IRF2: variants seen among roughly 807,000 people sequenced by gnomAD.
The protein encoded by IRF2 is interferon regulatory factor 2.
IRF2 carries 15 observed loss-of-function variants against 40.6 expected under a neutral mutation model. The ratio of observed to expected loss-of-function variants is 0.37; its 90% CI spans 0.25 to 0.57. The LOEUF is 0.57. Ranked by LOEUF, IRF2 falls within the 20% of genes least tolerant of loss-of-function variation. The probability of loss-of-function intolerance (pLI) is 0.77; values close to 1 mark genes in which losing one functional copy is unlikely to be tolerated. For synonymous variants in IRF2, 151 were observed against 165.5 expected (o/e 0.91, Z 0.67); for missense variants, 317 against 455.7 (o/e 0.70, Z 2.77).
intron 1 of IRF2, among the ~76,000 whole-genome samples, chr4:184,444,033 T>C (rs1478920340): frequency 1.3e-5 from 2 of 152,176 alleles, no homozygotes; most frequent in African/African-American, 4.8e-5. Context: ...GGACTCAGGA[T>C]GACACCCGAG....
At position 184,414,876 on chromosome 4, in the gene IRF2, T is replaced by C. The variant is rs932719366; in HGVS notation, c.411+3291A>G. Among the ~76,000 whole-genome samples the C allele has an allele frequency of 6.6e-5, 10 of 152,318 alleles. No individual in the cohort carries two copies. The East Asian group carries it at 1.9e-3, about 29-fold the overall frequency. On this transcript the variant is annotated intron_variant, in intron 5 of 8. Coordinates refer to ENST00000393593, the MANE Select transcript of IRF2 (RefSeq NM_002199.4). ...CCATATGAAAGACAAATTTCCTCAG[T>C]AGAAGAAACCTACGTAGTGTATCCA...
At chr4:184,456,802 G>A (rs1191001034) in intron 1 of IRF2, among the ~76,000 whole-genome samples, 2 of 152,228 alleles carry the variant, frequency 1.3e-5, no homozygotes, top group African/African-American at 2.4e-5. Flanking sequence ...CCTGTGGCTC[G>A]GCCCTCCACA....
chr4:184,457,118 G>A (rs1398264357), intron 1 of IRF2, among the ~76,000 whole-genome samples: 1 of 152,232 alleles, frequency 6.6e-6, no homozygotes, highest in Non-Finnish European at 1.5e-5. Flanking sequence ...TATCCCACAC[G>A]CTAGCCTCTG....
chr4:184,454,043 T>G (rs960593740), intron 1 of IRF2, among the ~76,000 whole-genome samples: 1 of 152,214 alleles, frequency 6.6e-6, no homozygotes, highest in African/African-American at 2.4e-5. Context: ...GCAGACTACC[T>G]TGAAAACCAA....
chr4:184,413,348 T>C lies in IRF2; in HGVS notation c.411+4819A>G, dbSNP rs565277631. Reference sequence around the variant, plus strand: ...GGAGCTCCCGTTCTGAGCTACCACATGGGAAGGGAGGATCCCGGGCAGGCA... The same window carrying C: ...GGAGCTCCCGTTCTGAGCTACCACACGGGAAGGGAGGATCCCGGGCAGGCA... On this transcript the variant is annotated intron_variant, in intron 5 of 8. Coordinates refer to ENST00000393593, the MANE Select transcript of IRF2 (RefSeq NM_002199.4). The surrounding 1 kb of genome is among the most constrained non-coding windows in gnomAD (Gnocchi z 4.2). Among the ~76,000 whole-genome samples, 19 of 152,332 alleles carry C rather than the reference T, an allele frequency of 1.2e-4. No homozygotes were observed. The South Asian group carries it at 3.7e-3, about 30-fold the overall frequency.
chr4:184,467,213 T>C (rs560292700), intron 1 of IRF2, among the ~76,000 whole-genome samples: 115 of 152,332 alleles, frequency 7.5e-4, no homozygotes, highest in African/African-American at 2.5e-3. Flanking sequence ...TTATCACTAA[T>C]TGCCTAACCA....
chr4:184,416,855 G>A (rs1020719035), intron 5 of IRF2, among the ~76,000 whole-genome samples: 5 of 152,156 alleles, frequency 3.3e-5, no homozygotes, highest in African/African-American at 1.2e-4. Flanking sequence ...AGACCAGCCT[G>A]TCCAACATGG....
In IRF2 at chr4:184,466,061, TTTTTTG is replaced by T. The variant is rs1174856378; in HGVS notation, c.-7+8312_-7+8317del. Among the ~76,000 whole-genome samples, 48 of 87,660 alleles carry T rather than the reference TTTTTTG, an allele frequency of 5.5e-4. 1 individual carries two copies. Among genetic ancestry groups the T allele is most frequent in the African/African-American group, 2.1e-3 (43 of 20,368 alleles). 57.5% of individuals were successfully genotyped at this position (87,660 alleles called of 152,430 possible). On this transcript the variant is annotated intron_variant, in intron 1 of 8. Transcript: ENST00000393593. Reference sequence around the variant, plus strand: ...ACTTGTCCCATCTGGTTGTTTTTTGTTTTTTGTTTTTTTTTTGAGATGAAGTCTCAC... The same window carrying T: ...ACTTGTCCCATCTGGTTGTTTTTTGTTTTTTTTTTTGAGATGAAGTCTCAC...
At chr4:184,394,830 ACATGTCTCTCCGC>A (rs1736386948) in intron 7 of IRF2, among the ~76,000 whole-genome samples, 1 of 152,152 alleles carries the variant, frequency 6.6e-6, no homozygotes, top group South Asian at 2.1e-4. Flanking sequence ...TTTAAACATG[ACATGTCTCTCCGC>A]CAGAGCTTCC....
In IRF2 at chr4:184,443,072, C is replaced by T. The variant is rs536209153; in HGVS notation, c.-6-14002G>A. ...TCCTGTGTAGCTGGGATTACAGGCACGTGCCACCTTGCCCGGTGAATTTTT... is the reference window on the plus strand; with the variant it reads ...TCCTGTGTAGCTGGGATTACAGGCATGTGCCACCTTGCCCGGTGAATTTTT... On this transcript the variant is annotated intron_variant, in intron 1 of 8. Coordinates refer to ENST00000393593, the MANE Select transcript of IRF2 (RefSeq NM_002199.4). Among the ~76,000 whole-genome samples the T allele has an allele frequency of 1.4e-4, 21 of 152,220 alleles. No individual in the cohort carries two copies. The East Asian group carries it at 3.1e-3, about 22-fold the overall frequency.
rs781138208 is a variant in IRF2, at chr4:184,429,005, C to T, written c.60G>A (p.Thr20=). The change falls in exon 2 of 9, where the codon ACG becomes ACA. Residue 20 remains threonine, a synonymous_variant. Transcript: ENST00000393593. ...PWLEEQINSN[T]IPGLKWLNKE... is the part of the protein sequence containing the mutation. ...TGTTAAGCCACTTGAGCCCCGGGAT[C>T]GTGTTGGAGTTTATCTGCTCCTCCA... 2.5e-6 allele frequency: 4 copies of T among 1,614,166 alleles called. No homozygotes were observed. Among genetic ancestry groups the T allele is most frequent in the Non-Finnish European group, 3.4e-6 (4 of 1,179,980 alleles).
chr4:184,448,243 AG>A lies in IRF2; in HGVS notation c.-6-19174del, dbSNP rs142769185. 8.9e-3 allele frequency among the ~76,000 whole-genome samples: 1,356 copies of A among 152,310 alleles called. 27 individuals are homozygous for A. Among genetic ancestry groups the A allele is most frequent in the African/African-American group, 0.031 (1,301 of 41,556 alleles). ...CCTTTCTGCAAATACAACAAACTCT[AG>A]GAAACCCCCTTTGTGGTGCTTAAAT... is the stretch of plus-strand genomic sequence containing the variant. On this transcript the variant is annotated intron_variant, in intron 1 of 8. Transcript: ENST00000393593. This position sits in a 1 kb window ranked among gnomAD's most constrained non-coding sequence, Gnocchi z 4.3.
chr4:184,408,729 G>A lies in IRF2; in HGVS notation c.412-454C>T, dbSNP rs1736956783. Among the ~76,000 whole-genome samples the A allele has an allele frequency of 6.6e-6, 1 of 152,190 alleles. No individual in the cohort carries two copies. The highest frequency in any genetic ancestry group is 2.4e-5 in the African/African-American group (1 of 41,428). The stretch of plus-strand genomic sequence containing the variant: ...TAGGAAAAGCTCTGCCTCAGTGACT[G>A]GCCCAAGAACAGGAGCCCAGAGGAC... On this transcript the variant is annotated intron_variant, in intron 5 of 8. Coordinates refer to ENST00000393593, the MANE Select transcript of IRF2 (RefSeq NM_002199.4). The surrounding 1 kb of genome is among the most constrained non-coding windows in gnomAD (Gnocchi z 4.9).
chr4:184,471,107 T>C (rs1739498631), intron 1 of IRF2, among the ~76,000 whole-genome samples: 1 of 152,240 alleles, frequency 6.6e-6, no homozygotes, highest in Non-Finnish European at 1.5e-5. Flanking sequence ...CATGATTATC[T>C]GGCCTTTTTA....
chr4:184,401,423 A>G (rs1417093273), intron 6 of IRF2, among the ~76,000 whole-genome samples: 1 of 152,234 alleles, frequency 6.6e-6, no homozygotes, highest in Non-Finnish European at 1.5e-5. Context: ...CACAGCATAC[A>G]GAATGGAAGG....
At chr4:184,457,129 C>T (rs536786563) in intron 1 of IRF2, among the ~76,000 whole-genome samples, 2 of 152,336 alleles carry the variant, frequency 1.3e-5, no homozygotes, top group Admixed American at 1.3e-4. Flanking sequence ...CTAGCCTCTG[C>T]GACCTGTGAA....
chr4:184,425,978 T>G (rs866401202), intron 2 of IRF2, among the ~76,000 whole-genome samples: 22 of 98,924 alleles, frequency 2.2e-4, no homozygotes, highest in African/African-American at 4.4e-4. Context: ...TCACTCCGGT[T>G]TTTGTTTGTT....
chr4:184,436,695 G>A (rs1738092472), intron 1 of IRF2, among the ~76,000 whole-genome samples: 1 of 152,160 alleles, frequency 6.6e-6, no homozygotes, highest in South Asian at 2.1e-4. Flanking sequence ...GAGGTAAAAG[G>A]TTGGTATCGG....
At chr4:184,409,670 G>A (rs995431204) in intron 5 of IRF2, among the ~76,000 whole-genome samples, 1 of 152,140 alleles carries the variant, frequency 6.6e-6, no homozygotes, top group Non-Finnish European at 1.5e-5. Flanking sequence ...GAGGCTGCAG[G>A]ATCGTTTCAG....
Sources: allele counts gnomAD v4.1 joint callset (sites outside exome capture counted in the v4.1 genomes callset), GRCh38; gene constraint gnomAD v4.1.1; non-coding constraint Gnocchi (gnomAD v3.1); transcripts MANE v1.5; gene names NCBI Gene and HGNC (gene_info 2026-07-23, HGNC 2026-07-21).